Variants in CHCHD7 observed in about 807,000 individuals in gnomAD.
CHCHD7 encodes coiled-coil-helix-coiled-coil-helix domain-containing protein 7.
Under a neutral mutation model 10.5 loss-of-function variants are expected in CHCHD7, and 7 were observed. The observed-to-expected ratio is 0.67, with a 90% CI of 0.38 to 1.25. The LOEUF is 1.25. CHCHD7 is among the 50% of genes most tolerant of loss of function. CHCHD7 has a pLI of 0.02. For synonymous variants in CHCHD7, 40 were observed against 36.0 expected, an observed-to-expected ratio of 1.11 and a Z score of -0.40; for missense variants, 100 against 104.5, an observed-to-expected ratio of 0.96 and a Z score of 0.19.
chr8:56,218,420 T>TTGAATGAAA lies in CHCHD7; in HGVS notation c.*987_*995dup, dbSNP rs1362475262. 1.8e-5 allele frequency: 4 copies of TTGAATGAAA among 220,408 alleles called. No homozygotes were observed. Among genetic ancestry groups the TTGAATGAAA allele is most frequent in the African/African-American group, 9.0e-5 (4 of 44,620 alleles). 13.7% of individuals were successfully genotyped at this position (220,408 alleles called of 1,614,324 possible). ...GTAGTTTTATGAAGACATACTATTA[T>TTGAATGAAA]TGAATGAAATTTAATGTGTACTTGA... On this transcript the variant is annotated 3_prime_UTR_variant, in exon 4 of 4. Coordinates refer to ENST00000355315, the MANE Select transcript of CHCHD7 (RefSeq NM_001011671.3).
rs963935742 is a variant in CHCHD7 at position 56,217,505 on chromosome 8, A to G, written c.*70A>G. On this transcript the variant is annotated 3_prime_UTR_variant, in exon 4 of 4. Transcript: ENST00000355315. ...ATTTCTAATAAATGATTGCTGTAAT[A>G]TTTAAGACTGTACACCCCTCACCCA... 2.3e-5 allele frequency: 22 copies of G among 970,972 alleles called. No individual in the cohort carries two copies. In the African/African-American group the frequency reaches 2.8e-4, roughly 12 times the overall value. The allele number at this position is 970,972 out of a possible 1,614,324, so 60.1% of individuals were successfully genotyped here.
At position 56,216,478 on chromosome 8, in the gene CHCHD7, A is replaced by G. The variant is rs1249936243; in HGVS notation, c.100A>G (p.Arg34Gly). Reference sequence around the variant, plus strand: ...ATGTCTGGATGAAAATAACTATGACAGGGAAAGGTGTTCCACTTACTTCTT... The same window carrying G: ...ATGTCTGGATGAAAATAACTATGACGGGGAAAGGTGTTCCACTTACTTCTT... ...TRCLDENNYD[R>G]ERCSTYFLRY... The change falls in exon 3 of 4, where the codon AGG becomes GGG. Residue 34 changes from arginine (R) to glycine (G), a missense_variant. Transcript: ENST00000355315. 2 of 1,614,164 alleles carry G rather than the reference A, an allele frequency of 1.2e-6. No homozygotes were observed. The highest frequency in any genetic ancestry group is 3.3e-5 in the Admixed American group (2 of 60,026).
rs1424576397 is a variant in CHCHD7 at position 56,217,858 on chromosome 8, C to T, written c.*423C>T. ...AGAGAGTATCCTGTAGATTGCTCCA[C>T]CTAGAATCTCAGGTGGGTGGAGCAG... On this transcript the variant is annotated 3_prime_UTR_variant, in exon 4 of 4. Coordinates refer to ENST00000355315, the MANE Select transcript of CHCHD7 (RefSeq NM_001011671.3). 1 of 233,362 alleles carries T rather than the reference C, an allele frequency of 4.3e-6. No homozygotes were observed. The highest frequency in any genetic ancestry group is 2.2e-5 in the African/African-American group (1 of 45,256). 14.5% of individuals were successfully genotyped at this position (233,362 alleles called of 1,614,324 possible).
chr8:56,217,388 G>C lies in CHCHD7; in HGVS notation c.211G>C (p.Ala71Pro). 6.2e-7 allele frequency: 1 copy of C among 1,612,552 alleles called. No homozygotes were observed. ...NGVKPFMPTA[A>P]ERDEILRAVG... Reference sequence around the variant, plus strand: ...AGTGAAGCCATTTATGCCTACGGCAGCAGAAAGAGATGAAATCTTGAGAGC... The same window carrying C: ...AGTGAAGCCATTTATGCCTACGGCACCAGAAAGAGATGAAATCTTGAGAGC... The change falls in exon 4 of 4, where the codon GCA becomes CCA. Residue 71 changes from alanine (A) to proline (P), a missense_variant. Transcript: ENST00000355315.
intron 2 of CHCHD7, 88 bp from the exon 3 acceptor site, chr8:56,216,345 C>T: frequency 6.4e-7 from 1 of 1,569,656 alleles, no homozygotes; most frequent in Non-Finnish European, 8.6e-7. Flanking sequence ...ACATTATTTG[C>T]TTCTGGGGAA....
In CHCHD7 at chr8:56,216,541, G is replaced by A. The variant is rs1237113691; in HGVS notation, c.153+10G>A. ...CTGCCGGAGATTCTGGGTAAGCCTA[G>A]ATTGGTTAGCTTTGTGTTAAAACCC... On this transcript the variant is annotated intron_variant, in intron 3 of 3. Coordinates refer to ENST00000355315, the MANE Select transcript of CHCHD7 (RefSeq NM_001011671.3). 4 of 1,613,984 alleles carry A rather than the reference G, an allele frequency of 2.5e-6. No homozygotes were observed. Among genetic ancestry groups the A allele is most frequent in the Admixed American group, 1.7e-5 (1 of 59,998 alleles).
chr8:56,214,561 A>G (rs1296854951), intron 1 of CHCHD7, 37 bp from the exon 2 acceptor site: 3 of 1,497,398 alleles, frequency 2.0e-6, no homozygotes, highest in East Asian at 2.3e-5. Flanking sequence ...TTTTCTGTCA[A>G]CTACTGTATA....
chr8:56,214,275 C>T (rs572637438), intron 1 of CHCHD7: 22 of 172,244 alleles, frequency 1.3e-4, no homozygotes, highest in African/African-American at 3.3e-4. Context: ...TTCTCTGTGT[C>T]GCCTAGGTTG....
intron 1 of CHCHD7, 55 bp downstream of exon 1, chr8:56,211,892 G>A (rs926397183): frequency 2.0e-5 from 3 of 152,574 alleles, no homozygotes; most frequent in African/African-American, 4.8e-5. Flanking sequence ...CGGGGAGAGA[G>A]GGGTGCCCTT....
chr8:56,214,396 T>C, intron 1 of CHCHD7: 1 of 446,198 alleles, frequency 2.2e-6, no homozygotes, highest in South Asian at 3.7e-5. Flanking sequence ...ATCCAATATA[T>C]GGCCTTTGTG....
At chr8:56,213,029 A>G in intron 1 of CHCHD7, 1 of 612,346 alleles carries the variant, frequency 1.6e-6, no homozygotes, top group African/African-American at 1.8e-5. Flanking sequence ...TATTAAATCT[A>G]AGGTGTATGA....
In CHCHD7 at chr8:56,214,593, C is replaced by T. The variant is rs770355654; in HGVS notation, c.-16-5C>T. ...TATAATTATTTTTTTTCTGTCTACC[C>T]TCAGTAAGAAGACTGTTAGAATGCC... On this transcript the variant is annotated splice_polypyrimidine_tract_variant and splice_region_variant and intron_variant, in intron 1 of 3. Transcript: ENST00000355315. The T allele has an allele frequency of 1.2e-6, 2 of 1,608,178 alleles. No individual in the cohort carries two copies. Among genetic ancestry groups the T allele is most frequent in the East Asian group, 2.2e-5 (1 of 44,836 alleles).
chr8:56,214,302 C>G (rs1183927743), intron 1 of CHCHD7: 1 of 204,460 alleles, frequency 4.9e-6, no homozygotes, highest in Non-Finnish European at 9.9e-6. Context: ...AACTGCTGAG[C>G]TTAAGCAGCC....
rs1563408753 is a variant in CHCHD7, at chr8:56,216,428, GT to G, written c.55-4del. ...TTTAAATGATGCCTCTCTTATATCT[GT>G]AAGGAATCTGATGCTTCCACCAGAT... On this transcript the variant is annotated splice_region_variant and splice_polypyrimidine_tract_variant and intron_variant, in intron 2 of 3. Coordinates refer to ENST00000355315, the MANE Select transcript of CHCHD7 (RefSeq NM_001011671.3). 6.2e-7 allele frequency: 1 copy of G among 1,614,070 alleles called. No homozygotes were observed. The highest frequency in any genetic ancestry group is 1.6e-4 in the Middle Eastern group (1 of 6,062).
chr8:56,216,682 G>C (rs115836757), intron 3 of CHCHD7, 151 bp downstream of exon 3: 11 of 839,496 alleles, frequency 1.3e-5, no homozygotes, highest in Non-Finnish European at 9.9e-6. Flanking sequence ...TACTTTAGCC[G>C]TGAAAGATCC....
Position 56,216,930 on chromosome 8 carries a change from A to AT in CHCHD7, c.154-396dup, listed in dbSNP as rs1192974094. On this transcript the variant is annotated intron_variant, in intron 3 of 3. Coordinates refer to ENST00000355315, the MANE Select transcript of CHCHD7 (RefSeq NM_001011671.3). ...CCATCCGTGGAAGTTAAAATGGTCCATTTTTCTGAAAACATTGGTATATAA... is the reference window on the plus strand; with the variant it reads ...CCATCCGTGGAAGTTAAAATGGTCCATTTTTTCTGAAAACATTGGTATATAA... 2.1e-5 allele frequency: 10 copies of AT among 467,646 alleles called. No homozygotes were observed. In the Admixed American group the frequency reaches 3.6e-4, roughly 17 times the overall value. The allele number at this position is 467,646 out of a possible 1,614,324, so 29.0% of individuals were successfully genotyped here.
At chr8:56,212,171 C>T (rs1335546081) in intron 1 of CHCHD7, 1 of 153,266 alleles carries the variant, frequency 6.5e-6, no homozygotes, top group Non-Finnish European at 1.5e-5. Context: ...CTCGGCACAG[C>T]AAGGTGTGTT....
In CHCHD7 at chr8:56,217,372, A is replaced by T; in HGVS notation, c.195A>T (p.Pro65=). 1 of 1,613,044 alleles carries T rather than the reference A, an allele frequency of 6.2e-7. No homozygotes were observed. Among genetic ancestry groups the T allele is most frequent in the Non-Finnish European group, 8.5e-7 (1 of 1,178,982 alleles). The change falls in exon 4 of 4, where the codon CCA becomes CCT. Residue 65 remains proline (P), a synonymous_variant. Coordinates refer to ENST00000355315, the MANE Select transcript of CHCHD7 (RefSeq NM_001011671.3). Reference sequence around the variant, plus strand: ...AGAGAAGAAAGAACGGAGTGAAGCCATTTATGCCTACGGCAGCAGAAAGAG... The same window carrying T: ...AGAGAAGAAAGAACGGAGTGAAGCCTTTTATGCCTACGGCAGCAGAAAGAG... ...VMQRRKNGVK[P]FMPTAAERDE...
chr8:56,215,111 TAAAC>T lies in CHCHD7; in HGVS notation c.54+448_54+451del, dbSNP rs1206414618. 15 of 155,318 alleles carry T rather than the reference TAAAC, an allele frequency of 9.7e-5. No homozygotes were observed. The East Asian group carries it at 1.5e-3, about 16-fold the overall frequency. The allele number at this position is 155,318 out of a possible 1,614,324, so 9.6% of individuals were successfully genotyped here. A position where few individuals can be genotyped will look rare whatever the true frequency, so the allele number is the denominator to read the frequency against. On this transcript the variant is annotated intron_variant, in intron 2 of 3. Transcript: ENST00000355315. ...TAAAGGTTTTCACAAAGGTATCTGA[TAAAC>T]AAAATGTTTTAAGAGTAAGCTTTTA...
Sources: allele counts gnomAD v4.1 joint callset, GRCh38; gene constraint gnomAD v4.1.1; transcripts MANE v1.5; gene names NCBI Gene and HGNC (gene_info 2026-07-23, HGNC 2026-07-21).